Variants in DLC1 observed in about 807,000 individuals in gnomAD.
DLC1 encodes the protein rho GTPase-activating protein 7.
DLC1 carries 54 observed loss-of-function variants against 140.3 expected under a neutral mutation model. That is an observed-to-expected ratio of 0.38 (90% CI 0.31 to 0.48). The LOEUF (loss-of-function observed/expected upper bound fraction) is 0.48, where lower values mean the gene tolerates loss of function less well. Among genes scored for constraint, DLC1 ranks in the 20% least tolerant of loss-of-function variants. The pLI is 0.96. For missense variants in DLC1, 2,536 were observed against 1,907.0 expected (o/e 1.33, Z -6.14); for synonymous variants, 986 against 728.1 (o/e 1.35, Z -5.70).
intron 5 of DLC1, among the ~76,000 whole-genome samples, chr8:13,245,330 T>G (rs996020054): frequency 2.6e-5 from 4 of 152,228 alleles, no homozygotes; most frequent in Non-Finnish European, 5.9e-5. Flanking sequence ...GAAACTCTCC[T>G]GGCCAATATC....
intron 2 of DLC1, among the ~76,000 whole-genome samples, chr8:13,406,256 G>A (rs1463172662): frequency 7.3e-6 from 1 of 136,186 alleles, no homozygotes; most frequent in African/African-American, 2.8e-5. Flanking sequence ...CTGACCTCGT[G>A]ATCCGCCCAC....
chr8:13,542,153 T>G (rs1291774710), intron 1 of DLC1, among the ~76,000 whole-genome samples: 2 of 152,216 alleles, frequency 1.3e-5, no homozygotes, highest in African/African-American at 4.8e-5. Context: ...CAAGACCACA[T>G]TATTTTTTGT....
chr8:13,351,136 T>C (rs1834641662), intron 4 of DLC1, among the ~76,000 whole-genome samples: 1 of 152,224 alleles, frequency 6.6e-6, no homozygotes, highest in African/African-American at 2.4e-5. Flanking sequence ...TTTCTAAATA[T>C]TTTCAAATAA....
intron 5 of DLC1, among the ~76,000 whole-genome samples, chr8:13,186,511 G>C (rs1430931086): frequency 6.6e-6 from 1 of 152,024 alleles, no homozygotes; most frequent in Non-Finnish European, 1.5e-5. Context: ...GGTCATTTAA[G>C]GTCTTCTCTA....
chr8:13,230,655 G>A (rs1829005565), intron 5 of DLC1, among the ~76,000 whole-genome samples: 1 of 147,340 alleles, frequency 6.8e-6, no homozygotes, highest in South Asian at 2.2e-4. Context: ...GGAGTGTAGT[G>A]GTGTGATCTC....
intron 5 of DLC1, among the ~76,000 whole-genome samples, chr8:13,224,049 A>C (rs1017924020): frequency 9.2e-5 from 14 of 152,182 alleles, no homozygotes; most frequent in Admixed American, 7.2e-4. Flanking sequence ...GAATGATTAC[A>C]GATTCTGAGG....
chr8:13,581,658 T>A (rs1805103966), intron 1 of DLC1, among the ~76,000 whole-genome samples: 1 of 152,222 alleles, frequency 6.6e-6, no homozygotes, highest in Non-Finnish European at 1.5e-5. Context: ...CATCACCCTG[T>A]AATCCAGTCT....
At chr8:13,282,059 G>A (rs1283272990) in intron 5 of DLC1, among the ~76,000 whole-genome samples, 1 of 152,112 alleles carries the variant, frequency 6.6e-6, no homozygotes, top group East Asian at 1.9e-4. Context: ...AATTACATAG[G>A]GTGGGGACTC....
intron 4 of DLC1, among the ~76,000 whole-genome samples, chr8:13,315,634 A>G (rs1180741628): frequency 6.6e-6 from 1 of 152,154 alleles, no homozygotes; most frequent in Non-Finnish European, 1.5e-5. Context: ...GCCCAACTCA[A>G]TTTCTTCTAT....
intron 1 of DLC1, among the ~76,000 whole-genome samples, chr8:13,596,093 T>G (rs1270312708): frequency 6.6e-6 from 1 of 152,052 alleles, no homozygotes; most frequent in African/African-American, 2.4e-5. Flanking sequence ...GATTTGTTCT[T>G]TTGAGATGAA....
At chr8:13,503,996 A>G (rs1239563124) in intron 1 of DLC1, among the ~76,000 whole-genome samples, 1 of 152,152 alleles carries the variant, frequency 6.6e-6, no homozygotes, top group East Asian at 1.9e-4. Flanking sequence ...TCAGATTTCT[A>G]CTATTCTAGA....
chr8:13,136,732 G>A (rs1212845889), intron 5 of DLC1, among the ~76,000 whole-genome samples: 1 of 152,078 alleles, frequency 6.6e-6, no homozygotes, highest in Non-Finnish European at 1.5e-5. Context: ...ACAGGGTTTT[G>A]CCATGTTGCT....
rs896714108 is a variant in DLC1, at chr8:13,504,307, C to G, written c.-125-4111G>C. ...ATGCCAGGATAATTTTTTATTTTTC[C>G]TAGAGACAGTTTTCTTCATGTTGGT... On this transcript the variant is annotated intron_variant, in intron 1 of 17. Coordinates refer to ENST00000276297, the MANE Select transcript of DLC1 (RefSeq NM_182643.3). Among the ~76,000 whole-genome samples the G allele has an allele frequency of 2.4e-4, 37 of 151,846 alleles. 1 individual carries two copies. The highest frequency in any genetic ancestry group is 2.3e-3 in the Admixed American group (35 of 15,220).
At chr8:13,480,537 G>A (rs1800682093) in intron 2 of DLC1, among the ~76,000 whole-genome samples, 1 of 152,124 alleles carries the variant, frequency 6.6e-6, no homozygotes, top group Non-Finnish European at 1.5e-5. Flanking sequence ...TATGGTCTTT[G>A]AATCTTTATC....
intron 4 of DLC1, among the ~76,000 whole-genome samples, chr8:13,327,257 G>A (rs1012895867): frequency 1.3e-5 from 2 of 151,326 alleles, no homozygotes; most frequent in Non-Finnish European, 1.5e-5. Context: ...ACAGGCGTGA[G>A]CCACTGCGCC....
chr8:13,590,775 A>G (rs1408685004), intron 1 of DLC1, among the ~76,000 whole-genome samples: 1 of 152,144 alleles, frequency 6.6e-6, no homozygotes, highest in Non-Finnish European at 1.5e-5. Context: ...TAAAAGTTCT[A>G]TAATTTATTT....
chr8:13,252,070 T>G (rs990632290), intron 5 of DLC1, among the ~76,000 whole-genome samples: 2 of 152,184 alleles, frequency 1.3e-5, no homozygotes, highest in Non-Finnish European at 2.9e-5. Context: ...TTTAAGACTG[T>G]TGATTATTGA....
chr8:13,358,996 T>C (rs917540437), intron 4 of DLC1, among the ~76,000 whole-genome samples: 1 of 43,746 alleles, frequency 2.3e-5, no homozygotes, highest in Admixed American at 2.4e-4. Flanking sequence ...TGGAGTGCAG[T>C]GGCGCGATCT....
chr8:13,110,231 A>C (rs1174192705), intron 7 of DLC1, among the ~76,000 whole-genome samples: 1 of 152,160 alleles, frequency 6.6e-6, no homozygotes, highest in African/African-American at 2.4e-5. Context: ...GGTTTTATTC[A>C]ATTTCTCATC....
Sources: gnomAD v4.1 joint callset for allele counts (sites outside exome capture counted in the v4.1 genomes callset) on GRCh38, gnomAD v4.1.1 for gene constraint, MANE v1.5 for transcripts, NCBI Gene and HGNC (gene_info 2026-07-23, HGNC 2026-07-21) for gene names.